Variants in FHOD3 observed in about 807,000 individuals in gnomAD.
FHOD3 encodes formin homology 2 domain containing 3.
Under a neutral mutation model 173.0 loss-of-function variants are expected in FHOD3, and 90 were observed. The ratio of observed to expected loss-of-function variants is 0.52; its 90% CI spans 0.44 to 0.62. The LOEUF (loss-of-function observed/expected upper bound fraction) is 0.62, where lower values mean the gene tolerates loss of function less well. Among genes scored for constraint, FHOD3 ranks in the 20% least tolerant of loss-of-function variants. FHOD3 has a pLI of 0.00. For synonymous variants in FHOD3, 828 were observed against 823.0 expected, an observed-to-expected ratio of 1.01 and a Z score of -0.10; for missense variants, 1,945 against 2,034.7, an observed-to-expected ratio of 0.96 and a Z score of 0.85.
rs1361546382 is a variant in FHOD3 at position 36,612,024 on chromosome 18, G to C, written c.886G>C (p.Ala296Pro). 6.2e-7 allele frequency: 1 copy of C among 1,614,148 alleles called. No individual in the cohort carries two copies. Among genetic ancestry groups the C allele is most frequent in the Non-Finnish European group, 8.5e-7 (1 of 1,180,018 alleles). Reference protein sequence around the residue: ...VDCLEELGIAAVSQRHLNKKG... With the variant: ...VDCLEELGIAPVSQRHLNKKG... ...CTGCCTGGAGGAGCTGGGCATTGCT[G>C]CTGTGTCCCAGAGGCACTTGAACAA... The change falls in exon 9 of 29, where the codon GCT becomes CCT. Residue 296 changes from alanine to proline, a missense_variant. Physicochemically the swap from Ala to Pro is conservative, Grantham distance 27. Transcript: ENST00000590592.
At chr18:36,431,891 G>A (rs1296664461) in intron 3 of FHOD3, among the ~76,000 whole-genome samples, 1 of 152,142 alleles carries the variant, frequency 6.6e-6, no homozygotes, top group Non-Finnish European at 1.5e-5. Context: ...AATATACTGT[G>A]ACTGAAGAGA....
At chr18:36,311,673 C>T (rs1419889834) in intron 1 of FHOD3, among the ~76,000 whole-genome samples, 1 of 152,186 alleles carries the variant, frequency 6.6e-6, no homozygotes, top group Non-Finnish European at 1.5e-5. Context: ...CATCCCACAC[C>T]TGCACCCCCA....
At chr18:36,565,880 C>T (rs2058245629) in intron 5 of FHOD3, among the ~76,000 whole-genome samples, 1 of 152,024 alleles carries the variant, frequency 6.6e-6, no homozygotes, top group South Asian at 2.1e-4. Flanking sequence ...GTTTTTGAAA[C>T]CAAAGCCTTG....
chr18:36,605,447 T>C (rs2031951302), intron 8 of FHOD3, among the ~76,000 whole-genome samples: 1 of 152,238 alleles, frequency 6.6e-6, no homozygotes. Flanking sequence ...ACTCTTTCTC[T>C]TCTGGCAGTT....
intron 8 of FHOD3, among the ~76,000 whole-genome samples, chr18:36,605,193 TTTTTA>T (rs2031919989): frequency 1.3e-5 from 2 of 152,232 alleles, no homozygotes; most frequent in African/African-American, 4.8e-5. Flanking sequence ...TTTCCTGTCC[TTTTTA>T]GTCACTGCCA....
chr18:36,751,949 G>C (rs1352656004), intron 24 of FHOD3, among the ~76,000 whole-genome samples: 1 of 152,112 alleles, frequency 6.6e-6, no homozygotes, highest in African/African-American at 2.4e-5. Flanking sequence ...CCGAGACTGG[G>C]TAATTTATAA....
intron 5 of FHOD3, among the ~76,000 whole-genome samples, chr18:36,525,171 G>T (rs1406347250): frequency 1.3e-5 from 2 of 152,128 alleles, no homozygotes; most frequent in African/African-American, 2.4e-5. Flanking sequence ...AAGGTGAAAG[G>T]GTTTTGCAGA....
rs17565423 is a variant in FHOD3 at position 36,415,832 on chromosome 18, C to T, written c.337+43088C>T. 9.1e-3 allele frequency among the ~76,000 whole-genome samples: 1,387 copies of T among 152,248 alleles called. 12 individuals carry two copies. Among genetic ancestry groups the T allele is most frequent in the Middle Eastern group, 0.031 (9 of 294 alleles). ...TTCCAAGACTACATAATAAGGGTGG[C>T]ATTTTTCCTTTCCATGCCGCAGCAG... is the stretch of plus-strand genomic sequence containing the variant. On this transcript the variant is annotated intron_variant, in intron 3 of 28. Coordinates refer to ENST00000590592, the MANE Select transcript of FHOD3 (RefSeq NM_001281740.3).
At chr18:36,745,762 C>T (rs1247768418) in intron 23 of FHOD3, among the ~76,000 whole-genome samples, 1 of 149,854 alleles carries the variant, frequency 6.7e-6, no homozygotes. Flanking sequence ...CCGCCACACC[C>T]TCCATGCACC....
intron 18 of FHOD3, chr18:36,711,317 A>G (rs1269796365): frequency 1.3e-5 from 2 of 152,228 alleles, no homozygotes; most frequent in Non-Finnish European, 2.9e-5. Flanking sequence ...ATTATTCTCA[A>G]ACGTATTTCT....
intron 3 of FHOD3, among the ~76,000 whole-genome samples, chr18:36,442,576 A>C (rs1238492184): frequency 6.6e-6 from 1 of 152,154 alleles, no homozygotes. Context: ...TTTATTTTTT[A>C]AGTTTATTTT....
At chr18:36,534,241 C>G (rs2056900978) in intron 5 of FHOD3, among the ~76,000 whole-genome samples, 1 of 152,166 alleles carries the variant, frequency 6.6e-6, no homozygotes, top group Non-Finnish European at 1.5e-5. Context: ...AGCATAAAAC[C>G]ACAGCTAAGT....
chr18:36,456,319 A>G (rs1405336819), intron 3 of FHOD3, among the ~76,000 whole-genome samples: 1 of 152,074 alleles, frequency 6.6e-6, no homozygotes. Flanking sequence ...AATGCAAAAG[A>G]TTGCCTAGAG....
intron 3 of FHOD3, among the ~76,000 whole-genome samples, chr18:36,384,697 T>C (rs933586745): frequency 1.3e-5 from 2 of 152,266 alleles, no homozygotes; most frequent in African/African-American, 4.8e-5. Flanking sequence ...ATATGTGTTT[T>C]AGAATCAGAC....
intron 3 of FHOD3, among the ~76,000 whole-genome samples, chr18:36,445,038 A>C (rs952243845): frequency 6.6e-6 from 1 of 152,220 alleles, no homozygotes. Flanking sequence ...AGATTGTAGT[A>C]AGGTAATCTG....
chr18:36,768,483 G>A (rs2043235135), intron 27 of FHOD3, among the ~76,000 whole-genome samples: 1 of 152,182 alleles, frequency 6.6e-6, no homozygotes, highest in Non-Finnish European at 1.5e-5. Flanking sequence ...ACTTGATTAT[G>A]CACAGATTTG....
rs371634710 is a variant in FHOD3, at chr18:36,297,944, C to G, written c.109C>G (p.Leu37Val). The G allele has an allele frequency of 2.6e-6, 4 of 1,565,676 alleles. No homozygotes were observed. The African/African-American group carries it at 5.5e-5, about 22-fold the overall frequency. ...GCCGCTGTTCACGTTCCGCGAGGAC[C>G]TCGCGCTCGGCACCCAGCTGGCGGG... ...RPPLFTFRED[L>V]ALGTQLAGVH... Residue 37 changes from leucine (L) to valine (V), a missense_variant, in exon 1 of 29, where the codon CTC (leucine) becomes GTC (valine). Transcript: ENST00000590592.
At chr18:36,619,251 G>C (rs753134417) in intron 9 of FHOD3, among the ~76,000 whole-genome samples, 16 of 152,226 alleles carry the variant, frequency 1.1e-4, no homozygotes, top group Non-Finnish European at 2.1e-4. Flanking sequence ...TCCCCTAGCA[G>C]AGGATGGTGC....
chr18:36,599,240 G>A (rs2030980936), intron 7 of FHOD3, among the ~76,000 whole-genome samples: 1 of 152,170 alleles, frequency 6.6e-6, no homozygotes, highest in Non-Finnish European at 1.5e-5. Context: ...GACCAGAGAG[G>A]ATAACTCATG....
Sources: gnomAD v4.1 joint callset for allele counts (sites outside exome capture counted in the v4.1 genomes callset) on GRCh38, gnomAD v4.1.1 for gene constraint, MANE v1.5 for transcripts, NCBI Gene and HGNC (gene_info 2026-07-23, HGNC 2026-07-21) for gene names.